The following NRXN1 variants were observed in gnomAD, a reference collection of about 807,000 sequenced individuals.
The protein encoded by NRXN1 is neurexin-1.
Under a neutral mutation model 150.9 loss-of-function variants are expected in NRXN1, and 39 were observed. The ratio of observed to expected loss-of-function variants is 0.26; its 90% CI spans 0.20 to 0.34. The LOEUF (loss-of-function observed/expected upper bound fraction) is 0.34. Ranked by LOEUF, NRXN1 falls within the 10% of genes least tolerant of loss-of-function variation. NRXN1 has a pLI of 1.00. For missense variants in NRXN1, 1,815 were observed against 1,949.9 expected, an observed-to-expected ratio of 0.93 and a Z score of 1.30; for synonymous variants, 924 against 757.0, an observed-to-expected ratio of 1.22 and a Z score of -3.62.
At chr2:50,975,394 G>C (rs1453580975) in intron 2 of NRXN1, among the ~76,000 whole-genome samples, 2 of 152,032 alleles carry the variant, frequency 1.3e-5, no homozygotes, top group Non-Finnish European at 2.9e-5. Flanking sequence ...TGGAATCATT[G>C]CATACATACA....
At chr2:50,971,622 T>G (rs1285559077) in intron 2 of NRXN1, among the ~76,000 whole-genome samples, 2 of 151,860 alleles carry the variant, frequency 1.3e-5, no homozygotes, top group Non-Finnish European at 2.9e-5. Context: ...AAAATAAATT[T>G]TAAAAATAAA....
chr2:50,473,162 T>C (rs995150515), intron 15 of NRXN1, among the ~76,000 whole-genome samples: 22 of 151,936 alleles, frequency 1.4e-4, no homozygotes, highest in Non-Finnish European at 2.9e-5. Context: ...TAAGTGGATA[T>C]TGCATCCTTC....
chr2:50,729,110 C>T (rs1221155227), intron 5 of NRXN1, among the ~76,000 whole-genome samples: 5 of 152,062 alleles, frequency 3.3e-5, no homozygotes, highest in Non-Finnish European at 7.4e-5. Flanking sequence ...TGATTTATAA[C>T]TTGTTTTCCC....
intron 17 of NRXN1, among the ~76,000 whole-genome samples, chr2:50,315,280 G>A (rs2075508701): frequency 6.6e-6 from 1 of 152,034 alleles, no homozygotes; most frequent in Non-Finnish European, 1.5e-5. Context: ...AAACTGAACA[G>A]GCAATTAAAA....
intron 17 of NRXN1, among the ~76,000 whole-genome samples, chr2:50,260,768 T>C (rs1281114482): frequency 6.6e-6 from 1 of 151,010 alleles, no homozygotes; most frequent in Non-Finnish European, 1.5e-5. Context: ...TATGAAGAAC[T>C]AAACCATAGC....
At chr2:50,853,059 T>C (rs763030590) in intron 5 of NRXN1, among the ~76,000 whole-genome samples, 1 of 152,196 alleles carries the variant, frequency 6.6e-6, no homozygotes, top group Non-Finnish European at 1.5e-5. Context: ...TGTCCACTAT[T>C]GAAGACCACA....
Position 51,027,710 on chromosome 2 carries a change from C to T in NRXN1, c.564G>A (p.Arg188=). ...EPFKGWIRDV[R]VNSSQVLPVD... is the part of the protein sequence containing the mutation. ...CGGGCAGGACCTGCGAGGAGTTGAC[C>T]CTCACGTCACGAATCCACCCCTTGA... Residue 188 remains arginine (R), a synonymous_variant, in exon 2 of 23, where the codon AGG becomes AGA. Transcript: ENST00000401669. 2 of 1,608,654 alleles carry T rather than the reference C, an allele frequency of 1.2e-6. No individual in the cohort carries two copies. Among genetic ancestry groups the T allele is most frequent in the Non-Finnish European group, 1.7e-6 (2 of 1,177,296 alleles).
At chr2:50,629,692 T>C (rs1681897640) in intron 5 of NRXN1, among the ~76,000 whole-genome samples, 1 of 151,704 alleles carries the variant, frequency 6.6e-6, no homozygotes, top group African/African-American at 2.4e-5. Context: ...TCCTGATTAA[T>C]AAGATGATAT....
chr2:50,435,080 G>T (rs965111346), intron 17 of NRXN1, among the ~76,000 whole-genome samples: 8 of 151,986 alleles, frequency 5.3e-5, no homozygotes, highest in African/African-American at 1.9e-4. Flanking sequence ...GTACAAAATA[G>T]AAACAATATA....
chr2:50,031,939 A>C (rs1689240853), intron 21 of NRXN1, among the ~76,000 whole-genome samples: 1 of 152,000 alleles, frequency 6.6e-6, no homozygotes, highest in Non-Finnish European at 1.5e-5. Flanking sequence ...GCAATATATA[A>C]ATTCTGAGAA....
rs113661949 is a variant in NRXN1, at chr2:50,476,300, C to T, written c.3071-3829G>A. Among the ~76,000 whole-genome samples, 441 of 152,116 alleles carry T rather than the reference C, an allele frequency of 2.9e-3. 4 individuals carry two copies. The highest frequency in any genetic ancestry group is 4.6e-3 in the Non-Finnish European group (310 of 67,978). ...GGGGTGATATCATGAGTATCCATTC[C>T]GCAGTAATTGAGCAGTAATGACTAG... On this transcript the variant is annotated intron_variant, in intron 15 of 22. Transcript: ENST00000401669.
chr2:50,465,924 T>A (rs554318496), intron 16 of NRXN1, among the ~76,000 whole-genome samples: 1 of 151,798 alleles, frequency 6.6e-6, no homozygotes, highest in African/African-American at 2.4e-5. Flanking sequence ...GACCAATGAA[T>A]AGAGACATAA....
Position 50,928,933 on chromosome 2 carries a change from A to T in NRXN1, c.773-2978T>A, listed in dbSNP as rs1335659779. Among the ~76,000 whole-genome samples the T allele has an allele frequency of 3.9e-5, 6 of 152,156 alleles. No individual in the cohort carries two copies. The East Asian group carries it at 1.2e-3, about 29-fold the overall frequency. Reference sequence around the variant, plus strand: ...AAGATCACACTCTTGCTTTCTTTTCATTGGAAAAATAATGAATATAGAGCT... The same window carrying T: ...AAGATCACACTCTTGCTTTCTTTTCTTTGGAAAAATAATGAATATAGAGCT... On this transcript the variant is annotated intron_variant, in intron 2 of 22. Transcript: ENST00000401669.
intron 5 of NRXN1, among the ~76,000 whole-genome samples, chr2:50,723,037 T>G (rs1696880405): frequency 6.6e-6 from 1 of 152,116 alleles, no homozygotes; most frequent in Admixed American, 6.6e-5. Context: ...CTGTGTATTG[T>G]CATTCAGTTA....
chr2:50,465,317 T>G (rs563591672), intron 17 of NRXN1, 125 bp downstream of exon 17: 61 of 866,280 alleles, frequency 7.0e-5, no homozygotes, highest in Non-Finnish European at 9.4e-5. Flanking sequence ...AACAACTGCT[T>G]CTATGGGTTA....
chr2:50,265,032 T>A (rs940497033), intron 17 of NRXN1, among the ~76,000 whole-genome samples: 1 of 152,156 alleles, frequency 6.6e-6, no homozygotes, highest in Admixed American at 6.6e-5. Context: ...AAAGGTTTTT[T>A]AAAGAAAACC....
chr2:49,995,861 T>TAAAA (rs60974625), intron 21 of NRXN1, among the ~76,000 whole-genome samples: 2 of 66,174 alleles, frequency 3.0e-5, no homozygotes, highest in Non-Finnish European at 5.8e-5. Context: ...TGCTGGATAG[T>TAAAA]AAAAAAAAAA....
intron 9 of NRXN1, among the ~76,000 whole-genome samples, chr2:50,538,960 T>C (rs1181664684): frequency 6.6e-6 from 1 of 152,210 alleles, no homozygotes; most frequent in African/African-American, 2.4e-5. Flanking sequence ...ACTGTAATTC[T>C]GTATCAGTCT....
intron 17 of NRXN1, among the ~76,000 whole-genome samples, chr2:50,461,139 T>C (rs1205790814): frequency 6.6e-6 from 1 of 152,060 alleles, no homozygotes; most frequent in African/African-American, 2.4e-5. Context: ...TATTTTTAAA[T>C]GTCATGGTAA....
Sources: gnomAD v4.1 joint callset for allele counts (sites outside exome capture counted in the v4.1 genomes callset) on GRCh38, gnomAD v4.1.1 for gene constraint, MANE v1.5 for transcripts, NCBI Gene and HGNC (gene_info 2026-07-23, HGNC 2026-07-21) for gene names.